The following CIAO2B variants were observed in gnomAD, a reference collection of about 807,000 sequenced individuals.
CIAO2B encodes MSS19-interacting protein of 18 kDa.
A neutral mutation model predicts 16.4 loss-of-function variants in CIAO2B; 20 were observed. That is an observed-to-expected ratio of 1.22 (90% CI 0.86 to 1.77). CIAO2B has a LOEUF of 1.77. Among genes scored for constraint, CIAO2B ranks in the 40% most tolerant of loss-of-function variants. The pLI, the probability that CIAO2B is intolerant of heterozygous loss-of-function variation, is 0.00. For missense variants in CIAO2B, 215 were observed against 222.4 expected (o/e 0.97, Z 0.21); for synonymous variants, 106 against 90.4 (o/e 1.17, Z -0.98).
In CIAO2B at chr16:66,934,168, T is replaced by C. The variant is rs1002905238; in HGVS notation, c.142+55A>G. The C allele has an allele frequency of 1.6e-5, 25 of 1,610,008 alleles. 1 individual carries two copies. The highest frequency in any genetic ancestry group is 1.6e-5 in the Non-Finnish European group (19 of 1,178,384). ...GGCTCCACCAGCTGCTCGATATCAC[T>C]GCTCCCCCCACCGCAAGCCCCCGGA... On this transcript the variant is annotated intron_variant, in intron 1 of 4. Transcript: ENST00000422424. This position sits in a 1 kb window ranked among gnomAD's most constrained non-coding sequence, Gnocchi z 4.1.
rs1963122786 is a variant in CIAO2B at position 66,933,896 on chromosome 16, G to A, written c.222+91C>T. The A allele has an allele frequency of 2.6e-6, 4 of 1,566,152 alleles. 1 individual carries two copies. The East Asian group carries it at 9.5e-5, about 37-fold the overall frequency. ...ATCTCCCTCCCCAAAGATACCCTTC[G>A]GTGTTCGTGAGCATAGAGCACGCCA... On this transcript the variant is annotated intron_variant, in intron 2 of 4. Transcript: ENST00000422424.
rs554566674 is a variant in CIAO2B, at chr16:66,934,177, C to A, written c.142+46G>T. On this transcript the variant is annotated intron_variant, in intron 1 of 4. Transcript: ENST00000422424. The surrounding 1 kb of genome is among the most constrained non-coding windows in gnomAD (Gnocchi z 4.1). The stretch of plus-strand genomic sequence containing the variant: ...AGCTGCTCGATATCACTGCTCCCCC[C>A]ACCGCAAGCCCCCGGAACCCGCCCG... 17 of 1,608,832 alleles carry A rather than the reference C, an allele frequency of 1.1e-5. No homozygotes were observed. Among genetic ancestry groups the A allele is most frequent in the Middle Eastern group, 1.6e-4 (1 of 6,074 alleles).
In CIAO2B at chr16:66,932,305, G is replaced by C. The variant is rs1567543299; in HGVS notation, c.395-5C>G. On this transcript the variant is annotated splice_polypyrimidine_tract_variant and splice_region_variant and intron_variant, in intron 4 of 4. Transcript: ENST00000422424. The stretch of plus-strand genomic sequence containing the variant: ...TATCTGCAAGTTGCTTGTTCACTAG[G>C]TGGGAAGAAGGGTGTGGGGAAGGCA... 1 of 1,612,632 alleles carries C rather than the reference G, an allele frequency of 6.2e-7. No homozygotes were observed. The highest frequency in any genetic ancestry group is 1.7e-5 in the Admixed American group (1 of 59,972).
chr16:66,934,023 T>C lies in CIAO2B; in HGVS notation c.186A>G (p.Leu62=). Residue 62 remains leucine, a synonymous_variant, in exon 2 of 5, where the codon CTA becomes CTG. Coordinates refer to ENST00000422424, the MANE Select transcript of CIAO2B (RefSeq NM_016062.4). The surrounding 1 kb of genome is among the most constrained non-coding windows in gnomAD (Gnocchi z 4.1). ...CCTGCTCTACTACGTTCAACTCCTC[T>C]AGCGTCAGTGGATGCTCCGGGTCAT... ...SINDPEHPLT[L]EELNVVEQVR... 6.2e-7 allele frequency: 1 copy of C among 1,613,766 alleles called. No homozygotes were observed. Among genetic ancestry groups the C allele is most frequent in the South Asian group, 1.1e-5 (1 of 91,070 alleles).
At position 66,934,267 on chromosome 16, in the gene CIAO2B, T is replaced by C. The variant is rs770135318; in HGVS notation, c.98A>G (p.Glu33Gly). 10 of 1,608,896 alleles carry C rather than the reference T, an allele frequency of 6.2e-6. No homozygotes were observed. In the East Asian group the frequency reaches 2.2e-4, roughly 36 times the overall value. The stretch of plus-strand genomic sequence containing the variant: ...GATGCTGTCGGGAACCTGCTCGTCC[T>C]CCTCGCCTGCCGTCACAGGCCGCTC... Reference protein sequence around the residue: ...SGERPVTAGEEDEQVPDSIDA... With the variant: ...SGERPVTAGEGDEQVPDSIDA... Residue 33 changes from glutamate (E) to glycine (G), a missense_variant, in exon 1 of 5, where the codon GAG becomes GGG. Physicochemically the swap from Glu to Gly is moderately conservative, Grantham distance 98. Coordinates refer to ENST00000422424, the MANE Select transcript of CIAO2B (RefSeq NM_016062.4). The surrounding 1 kb of genome is among the most constrained non-coding windows in gnomAD (Gnocchi z 4.1).
chr16:66,933,841 A>C, intron 2 of CIAO2B, 102 bp from the exon 3 acceptor site: 1 of 1,536,040 alleles, frequency 6.5e-7, no homozygotes, highest in South Asian at 1.2e-5. Flanking sequence ...TATGGGCCTC[A>C]GTTTCAACAC....
At chr16:66,933,907 G>A in intron 2 of CIAO2B, 80 bp downstream of exon 2, 1 of 1,581,104 alleles carries the variant, frequency 6.3e-7, no homozygotes, top group Admixed American at 1.8e-5. Flanking sequence ...GTGTTCGTGA[G>A]CATAGAGCAC....
In CIAO2B at chr16:66,934,177, C is replaced by G. The variant is rs554566674; in HGVS notation, c.142+46G>C. On this transcript the variant is annotated intron_variant, in intron 1 of 4. Transcript: ENST00000422424. The surrounding 1 kb of genome is among the most constrained non-coding windows in gnomAD (Gnocchi z 4.1). Reference sequence around the variant, plus strand: ...AGCTGCTCGATATCACTGCTCCCCCCACCGCAAGCCCCCGGAACCCGCCCG... The same window carrying G: ...AGCTGCTCGATATCACTGCTCCCCCGACCGCAAGCCCCCGGAACCCGCCCG... 3.7e-6 allele frequency: 6 copies of G among 1,608,832 alleles called. No individual in the cohort carries two copies. Among genetic ancestry groups the G allele is most frequent in the Non-Finnish European group, 5.1e-6 (6 of 1,177,750 alleles).
intron 2 of CIAO2B, 97 bp downstream of exon 2, chr16:66,933,890 C>T: frequency 6.4e-7 from 1 of 1,560,586 alleles, no homozygotes; most frequent in Non-Finnish European, 8.7e-7. Flanking sequence ...CCCAAAGATA[C>T]CCTTCGGTGT....
intron 4 of CIAO2B, 67 bp from the exon 5 acceptor site, chr16:66,932,367 C>T: frequency 2.3e-6 from 3 of 1,306,504 alleles, no homozygotes; most frequent in Non-Finnish European, 3.3e-6. Context: ...TGCTAGCCAG[C>T]CCTACCTCTG....
chr16:66,932,366 G>A, intron 4 of CIAO2B, 66 bp from the exon 5 acceptor site: 1 of 1,320,570 alleles, frequency 7.6e-7, no homozygotes, highest in Non-Finnish European at 1.1e-6. Context: ...GTGCTAGCCA[G>A]CCCTACCTCT....
intron 3 of CIAO2B, among the ~76,000 whole-genome samples, chr16:66,933,311 A>G (rs2145491820): frequency 1.3e-5 from 2 of 152,166 alleles, no homozygotes; most frequent in Non-Finnish European, 2.9e-5. Context: ...ATTCTATCCA[A>G]AGAACTGGCC....
At chr16:66,932,756 C>A in intron 4 of CIAO2B, 24 bp downstream of exon 4, 1 of 1,605,276 alleles carries the variant, frequency 6.2e-7, no homozygotes, top group Non-Finnish European at 8.5e-7. Flanking sequence ...CGGGCCAACA[C>A]CCTCACCACC....
At chr16:66,933,569 A>T (rs981364455) in intron 3 of CIAO2B, 45 bp downstream of exon 3, 1 of 1,598,218 alleles carries the variant, frequency 6.3e-7, no homozygotes, top group Non-Finnish European at 8.5e-7. Context: ...TCAGCAGTAG[A>T]CCCTCAATGC....
rs1427505058 is a variant in CIAO2B at position 66,934,345 on chromosome 16, A to T, written c.20T>A (p.Val7Asp). MVGGGG[V>D]GGGLLENANP... ...GGCATTCTCCAGGAGGCCGCCGCCG[A>T]CCCCGCCGCCGCCTACCATCGCGGA... The change falls in exon 1 of 5, where the codon GTC (valine) becomes GAC (aspartate). Residue 7 changes from valine (V) to aspartate (D), a missense_variant. Transcript: ENST00000422424. The surrounding 1 kb of genome is among the most constrained non-coding windows in gnomAD (Gnocchi z 4.1). 2 of 1,562,804 alleles carry T rather than the reference A, an allele frequency of 1.3e-6. No homozygotes were observed. The highest frequency in any genetic ancestry group is 1.9e-5 in the Admixed American group (1 of 52,882).
Position 66,934,037 on chromosome 16 carries a change from G to A in CIAO2B, c.172C>T (p.His58Tyr), listed in dbSNP as rs774019636. The A allele has an allele frequency of 3.1e-6, 5 of 1,613,808 alleles. No individual in the cohort carries two copies. Residue 58 changes from histidine to tyrosine, a missense_variant, in exon 2 of 5, where the codon CAT (histidine) becomes TAT (tyrosine). His to Tyr is a moderately conservative substitution (Grantham distance 83, BLOSUM62 2). Transcript: ENST00000422424. This position sits in a 1 kb window ranked among gnomAD's most constrained non-coding sequence, Gnocchi z 4.1. The stretch of plus-strand genomic sequence containing the variant: ...TTCAACTCCTCTAGCGTCAGTGGAT[G>A]CTCCGGGTCATTGATGGAGCGAATC... ...DLIRSINDPE[H>Y]PLTLEELNVV... is the part of the protein sequence containing the mutation.
In CIAO2B at chr16:66,932,299, C is replaced by A; in HGVS notation, c.396G>T (p.Val132=). The change falls in exon 5 of 5, where the codon GTG becomes GTT. Residue 132 remains valine, a splice_region_variant and synonymous_variant. Transcript: ENST00000422424. The part of the protein sequence containing the change: ...TPGTHASEHA[V]NKQLADKERV... ...GCTCCTTATCTGCAAGTTGCTTGTT[C>A]ACTAGGTGGGAAGAAGGGTGTGGGG... 1 of 1,613,478 alleles carries A rather than the reference C, an allele frequency of 6.2e-7. No individual in the cohort carries two copies. The highest frequency in any genetic ancestry group is 1.1e-5 in the South Asian group (1 of 91,000).
At chr16:66,933,946 T>C in intron 2 of CIAO2B, 41 bp downstream of exon 2, 1 of 1,610,106 alleles carries the variant, frequency 6.2e-7, no homozygotes, top group Non-Finnish European at 8.5e-7. Context: ...GAAACCTTTC[T>C]GACTCTCTGG....
At chr16:66,932,566 G>A (rs1172312169) in intron 4 of CIAO2B, 6 of 731,572 alleles carry the variant, frequency 8.2e-6, no homozygotes, top group Non-Finnish European at 1.5e-5. Context: ...TATTTGGTGA[G>A]AGGGGATTTG....
Sources: allele counts gnomAD v4.1 joint callset (sites outside exome capture counted in the v4.1 genomes callset), GRCh38; gene constraint gnomAD v4.1.1; non-coding constraint Gnocchi (gnomAD v3.1); transcripts MANE v1.5; gene names NCBI Gene and HGNC (gene_info 2026-07-23, HGNC 2026-07-21).